Variants in CATSPERT observed in about 807,000 individuals in gnomAD.
The protein encoded by CATSPERT is cation channel sperm-associated targeting subunit tau.
the CATSPERT span, among the ~76,000 whole-genome samples, chr2:201,515,305 G>A: frequency 7.5e-6 from 1 of 133,254 alleles, no homozygotes; most frequent in East Asian, 2.3e-4. Flanking sequence ...TGGAATCTCG[G>A]CTCACTGCAG....
the CATSPERT span, among the ~76,000 whole-genome samples, chr2:201,498,182 G>A: frequency 1.2e-4 from 18 of 152,088 alleles, no homozygotes; most frequent in African/African-American, 3.4e-4. Flanking sequence ...GTGAATTCCC[G>A]CAATAGGCTA....
At chr2:201,535,688 T>C in the CATSPERT span, 2 of 1,228,840 alleles carry the variant, frequency 1.6e-6, no homozygotes, top group Non-Finnish European at 2.0e-6. Context: ...TCTTGATTGA[T>C]ATAAGTAAAG....
chr2:201,617,123 A>G, the CATSPERT span, among the ~76,000 whole-genome samples: 9 of 152,314 alleles, frequency 5.9e-5, no homozygotes, highest in African/African-American at 1.9e-4. Context: ...TGTGAAAATG[A>G]CCATACTGCC....
chr2:201,488,825 A>G, the CATSPERT span, among the ~76,000 whole-genome samples: 1 of 152,234 alleles, frequency 6.6e-6, no homozygotes, highest in African/African-American at 2.4e-5. Flanking sequence ...GATAAATTCT[A>G]CCTATTTAAC....
At chr2:201,578,405 C>T in the CATSPERT span, among the ~76,000 whole-genome samples, 191 of 152,112 alleles carry the variant, frequency 1.3e-3, no homozygotes, top group African/African-American at 4.4e-3. Flanking sequence ...CATTATAAAC[C>T]GCACAGATCA....
chr2:201,491,925 A>G, the CATSPERT span: 1 of 1,536,938 alleles, frequency 6.5e-7, no homozygotes, highest in South Asian at 1.2e-5. Context: ...TAAGCAGTAT[A>G]TCTGTAAGTA....
the CATSPERT span, among the ~76,000 whole-genome samples, chr2:201,497,187 C>A: frequency 0.033 from 5,011 of 152,114 alleles, 117 homozygotes; most frequent in Middle Eastern, 0.065. Flanking sequence ...AATAAATGAC[C>A]CTATTCTTAA....
the CATSPERT span, among the ~76,000 whole-genome samples, chr2:201,601,317 G>GTGTGT: frequency 0.035 from 4,487 of 127,986 alleles, 128 homozygotes; most frequent in East Asian, 0.063. Flanking sequence ...TGTGTGTGTG[G>GTGTGT]GTTGTAATAA....
At chr2:201,585,405 A>G in the CATSPERT span, among the ~76,000 whole-genome samples, 1 of 119,004 alleles carries the variant, frequency 8.4e-6, no homozygotes, top group Admixed American at 8.0e-5. Flanking sequence ...CCTACAGAAC[A>G]AGAAAAAAAA....
At chr2:201,556,465 C>T in the CATSPERT span, among the ~76,000 whole-genome samples, 7 of 150,850 alleles carry the variant, frequency 4.6e-5, no homozygotes, top group South Asian at 2.1e-4. Flanking sequence ...GCCGAGATCA[C>T]GCCATTGACT....
chr2:201,492,832 A>T, the CATSPERT span: 1 of 1,536,538 alleles, frequency 6.5e-7, no homozygotes, highest in Non-Finnish European at 8.7e-7. Flanking sequence ...CTCCTTGGTG[A>T]TATGTCCTGA....
chr2:201,604,177 G>A, the CATSPERT span, among the ~76,000 whole-genome samples: 1 of 151,780 alleles, frequency 6.6e-6, no homozygotes, highest in African/African-American at 2.4e-5. Context: ...GTGAAAGAGA[G>A]AGGGGGGTGT....
At chr2:201,612,657 G>GA in the CATSPERT span, among the ~76,000 whole-genome samples, 1 of 150,434 alleles carries the variant, frequency 6.6e-6, no homozygotes, top group African/African-American at 2.4e-5. Flanking sequence ...GAGTGACACA[G>GA]AAGACAGGTG....
the CATSPERT span, among the ~76,000 whole-genome samples, chr2:201,566,275 G>A: frequency 2.0e-5 from 3 of 150,928 alleles, no homozygotes; most frequent in Non-Finnish European, 2.9e-5. Flanking sequence ...TGTTACATAT[G>A]TATACATGTG....
At chr2:201,502,898 GT>G in the CATSPERT span, among the ~76,000 whole-genome samples, 5 of 147,132 alleles carry the variant, frequency 3.4e-5, no homozygotes, top group South Asian at 2.1e-4. Flanking sequence ...ATACTGTGTT[GT>G]TTTTTTTTTC....
chr2:201,608,866 GAGAA>G, the CATSPERT span, among the ~76,000 whole-genome samples: 4 of 141,430 alleles, frequency 2.8e-5, no homozygotes, highest in Non-Finnish European at 6.2e-5. Flanking sequence ...AAAAAGAAAA[GAGAA>G]AGAAAGAAAA....
the CATSPERT span, among the ~76,000 whole-genome samples, chr2:201,570,737 G>C: frequency 1.3e-5 from 2 of 152,106 alleles, no homozygotes; most frequent in East Asian, 3.9e-4. Context: ...CCATCTCTTA[G>C]CCACTCTCAA....
the CATSPERT span, chr2:201,571,840 G>T: frequency 3.0e-6 from 3 of 1,015,686 alleles, no homozygotes; most frequent in African/African-American, 1.6e-5. Flanking sequence ...ATGTCCTGGG[G>T]ACTTCTTAAA....
At chr2:201,491,307 T>C in the CATSPERT span, 1 of 1,537,798 alleles carries the variant, frequency 6.5e-7, no homozygotes, top group East Asian at 2.4e-5. Flanking sequence ...CGACACGGTC[T>C]CTTTCTTTTC....
Sources: allele counts gnomAD v4.1 joint callset (sites outside exome capture counted in the v4.1 genomes callset), GRCh38; gene constraint gnomAD v4.1.1; transcripts MANE v1.5; gene names NCBI Gene and HGNC (gene_info 2026-07-23, HGNC 2026-07-21).